SLC14A2: variants seen among roughly 807,000 people sequenced by gnomAD.
SLC14A2 encodes the protein urea transporter 2.
SLC14A2 carries 91 observed loss-of-function variants against 104.6 expected under a neutral mutation model. That is an observed-to-expected ratio of 0.87 (90% CI 0.73 to 1.04). The LOEUF (loss-of-function observed/expected upper bound fraction) is 1.04. Ranked by LOEUF, SLC14A2 falls within the 50% of genes least tolerant of loss-of-function variation. The pLI is 0.00. For synonymous variants in SLC14A2, 476 were observed against 466.4 expected, an observed-to-expected ratio of 1.02 and a Z score of -0.27; for missense variants, 1,189 against 1,156.0, an observed-to-expected ratio of 1.03 and a Z score of -0.41.
chr18:45,601,627 T>C (rs72906365), intron 2 of SLC14A2, among the ~76,000 whole-genome samples: 12,204 of 152,328 alleles, frequency 0.08, 659 homozygotes, highest in Non-Finnish European at 0.12. Flanking sequence ...GCTAGTGCTC[T>C]CCATTCATGA....
chr18:45,411,830 C>T (rs186942924), intron 1 of SLC14A2, among the ~76,000 whole-genome samples: 126 of 152,010 alleles, frequency 8.3e-4, no homozygotes, highest in African/African-American at 2.9e-3. Flanking sequence ...TACAAAGGTC[C>T]GCAGCACCTA....
intron 1 of SLC14A2, among the ~76,000 whole-genome samples, chr18:45,356,743 A>G (rs1488178518): frequency 1.3e-5 from 2 of 152,242 alleles, no homozygotes; most frequent in Non-Finnish European, 2.9e-5. Context: ...AGCTTTTACA[A>G]AAATATAGGC....
At chr18:45,342,925 A>G (rs914757873) in intron 1 of SLC14A2, among the ~76,000 whole-genome samples, 8 of 152,166 alleles carry the variant, frequency 5.3e-5, no homozygotes, top group African/African-American at 1.9e-4. Flanking sequence ...AGGTCTACCA[A>G]TCCCTGTGTA....
chr18:45,674,307 CAGA>C (rs575866506), intron 18 of SLC14A2, among the ~76,000 whole-genome samples: 636 of 152,250 alleles, frequency 4.2e-3, no homozygotes, highest in Non-Finnish European at 6.9e-3. Flanking sequence ...ACATTTAAAA[CAGA>C]AGTTCTATTT....
At chr18:45,436,132 T>C (rs2086593001) in intron 1 of SLC14A2, among the ~76,000 whole-genome samples, 1 of 152,118 alleles carries the variant, frequency 6.6e-6, no homozygotes, top group African/African-American at 2.4e-5. Context: ...CACCTTTTAA[T>C]AAAGAAGTTG....
intron 1 of SLC14A2, among the ~76,000 whole-genome samples, chr18:45,427,989 A>G (rs1408851723): frequency 2.6e-5 from 4 of 152,238 alleles, no homozygotes; most frequent in African/African-American, 9.6e-5. Flanking sequence ...ATGAAAGAGC[A>G]TTGACAAATA....
At chr18:45,432,192 A>T (rs1449559361) in intron 1 of SLC14A2, among the ~76,000 whole-genome samples, 2 of 152,154 alleles carry the variant, frequency 1.3e-5, no homozygotes, top group African/African-American at 4.8e-5. Flanking sequence ...GTTGGAAAGG[A>T]TAACAACACT....
intron 2 of SLC14A2, among the ~76,000 whole-genome samples, chr18:45,525,750 T>C (rs2043586943): frequency 1.3e-5 from 2 of 152,186 alleles, no homozygotes; most frequent in South Asian, 4.1e-4. Flanking sequence ...TTTGTGTCCA[T>C]ATGAACTGGG....
At chr18:45,659,439 T>C (rs2045897541) in intron 10 of SLC14A2, among the ~76,000 whole-genome samples, 1 of 152,226 alleles carries the variant, frequency 6.6e-6, no homozygotes, top group Admixed American at 6.5e-5. Context: ...CGGAATGGAC[T>C]TATGTAATAT....
At chr18:45,304,772 G>T (rs924390397) in intron 1 of SLC14A2, among the ~76,000 whole-genome samples, 11 of 152,186 alleles carry the variant, frequency 7.2e-5, no homozygotes, top group African/African-American at 2.7e-4. Context: ...ATAACAGTCA[G>T]GATATAGCCC....
chr18:45,249,265 C>A (rs1277137554), intron 1 of SLC14A2, among the ~76,000 whole-genome samples: 1 of 150,052 alleles, frequency 6.7e-6, no homozygotes, highest in Non-Finnish European at 1.5e-5. Context: ...ATTTTTTTTG[C>A]ATAGTCATGC....
intron 1 of SLC14A2, among the ~76,000 whole-genome samples, chr18:45,293,275 C>A (rs12969185): frequency 6.6e-4 from 100 of 152,174 alleles, no homozygotes; most frequent in African/African-American, 2.4e-3. Flanking sequence ...TTCATTCATT[C>A]ATTCATTCAT....
intron 10 of SLC14A2, chr18:45,647,800 T>C (rs1456865159): frequency 1.3e-5 from 2 of 152,162 alleles, no homozygotes; most frequent in African/African-American, 4.8e-5. Flanking sequence ...TTTAACTTTG[T>C]ATATCTAGTT....
intron 10 of SLC14A2, among the ~76,000 whole-genome samples, chr18:45,654,689 CAG>C (rs1444535621): frequency 6.6e-6 from 1 of 152,092 alleles, no homozygotes; most frequent in Non-Finnish European, 1.5e-5. Context: ...ACGGCTTGTA[CAG>C]AGACTTGTCC....
At chr18:45,350,571 A>G (rs190030713) in intron 1 of SLC14A2, among the ~76,000 whole-genome samples, 27 of 152,222 alleles carry the variant, frequency 1.8e-4, no homozygotes, top group Non-Finnish European at 2.9e-4. Context: ...TGGCTGGACT[A>G]GTTTATGTGA....
intron 2 of SLC14A2, among the ~76,000 whole-genome samples, chr18:45,522,945 C>T (rs945412321): frequency 6.6e-6 from 1 of 152,152 alleles, no homozygotes; most frequent in African/African-American, 2.4e-5. Flanking sequence ...CTGCTAAGTT[C>T]CAACGCAGAG....
At chr18:45,367,933 A>G (rs2085683027) in intron 1 of SLC14A2, among the ~76,000 whole-genome samples, 1 of 152,048 alleles carries the variant, frequency 6.6e-6, no homozygotes, top group African/African-American at 2.4e-5. Context: ...GTTCTTTTTG[A>G]TTAATCAAAG....
At position 45,374,956 on chromosome 18, in the gene SLC14A2, C is replaced by T. The variant is rs113912770; in HGVS notation, c.-124-108277C>T. On this transcript the variant is annotated intron_variant, in intron 1 of 20. Coordinates refer to the SLC14A2 transcript ENST00000586448. ...CTCTGGAAGTAGAGAGACTCTTGAA[C>T]GCACATGCATACTTGAATAAATAAA... Among the ~76,000 whole-genome samples, 441 of 152,274 alleles carry T rather than the reference C, an allele frequency of 2.9e-3. 5 individuals are homozygous for T. The highest frequency in any genetic ancestry group is 0.01 in the African/African-American group (422 of 41,550).
chr18:45,231,704 A>G (rs1413755772), intron 1 of SLC14A2, among the ~76,000 whole-genome samples: 1 of 152,242 alleles, frequency 6.6e-6, no homozygotes, highest in African/African-American at 2.4e-5. Context: ...CATGATCAAT[A>G]ATAGTGCTGG....
Sources: gnomAD v4.1 joint callset for allele counts (sites outside exome capture counted in the v4.1 genomes callset) on GRCh38, gnomAD v4.1.1 for gene constraint, MANE v1.5 for transcripts, NCBI Gene and HGNC (gene_info 2026-07-23, HGNC 2026-07-21) for gene names.